Variants in DNAH6 observed in about 807,000 individuals in gnomAD.
DNAH6 encodes the protein axonemal beta dynein heavy chain 6.
In DNAH6, 340 loss-of-function variants were observed where a neutral mutation model predicts 491.4. The ratio of observed to expected loss-of-function variants is 0.69; its 90% CI spans 0.63 to 0.76. The LOEUF (loss-of-function observed/expected upper bound fraction) is 0.76, where lower values mean the gene tolerates loss of function less well. Ranked by LOEUF, DNAH6 falls within the 30% of genes least tolerant of loss-of-function variation. DNAH6 has a pLI of 0.00. For missense variants in DNAH6, 4,443 were observed against 4,972.2 expected (o/e 0.89, Z 3.20); for synonymous variants, 1,603 against 1,686.1 (o/e 0.95, Z 1.21).
At chr2:84,563,441 G>A (rs1181492368) in intron 11 of DNAH6, among the ~76,000 whole-genome samples, 2 of 152,118 alleles carry the variant, frequency 1.3e-5, no homozygotes, top group Non-Finnish European at 2.9e-5. Flanking sequence ...TCTGACTTGT[G>A]TGAGATGGCA....
intron 64 of DNAH6, among the ~76,000 whole-genome samples, chr2:84,779,054 T>C (rs1471444863): frequency 1.3e-5 from 2 of 152,172 alleles, no homozygotes; most frequent in Admixed American, 1.3e-4. Context: ...TCTATTATGG[T>C]TGAGCATGTG....
chr2:84,769,133 G>A (rs1392505954), intron 64 of DNAH6, among the ~76,000 whole-genome samples: 1 of 152,232 alleles, frequency 6.6e-6, no homozygotes, highest in East Asian at 1.9e-4. Flanking sequence ...CAGAAAGAGA[G>A]AGTGGAGCTG....
chr2:84,600,002 T>C (rs1026622962), intron 18 of DNAH6, among the ~76,000 whole-genome samples: 2 of 152,238 alleles, frequency 1.3e-5, no homozygotes, highest in Non-Finnish European at 2.9e-5. Flanking sequence ...ATTTTCCATA[T>C]GCACTTTAGA....
intron 24 of DNAH6, among the ~76,000 whole-genome samples, chr2:84,620,612 A>G (rs1687299239): frequency 6.6e-6 from 1 of 152,174 alleles, no homozygotes; most frequent in African/African-American, 2.4e-5. Context: ...CAGTAAGAAC[A>G]CAGTGGTGTA....
At chr2:84,641,858 GGAA>G in intron 32 of DNAH6, 86 bp from the exon 33 acceptor site, 2 of 1,010,556 alleles carry the variant, frequency 2.0e-6, no homozygotes, top group Non-Finnish European at 2.9e-6. Context: ...AATCCTCAGG[GGAA>G]GGGCTCTGCC....
chr2:84,606,479 A>G (rs1472494671), intron 20 of DNAH6, among the ~76,000 whole-genome samples: 2 of 152,156 alleles, frequency 1.3e-5, no homozygotes, highest in African/African-American at 4.8e-5. Flanking sequence ...GGGGAGTAGT[A>G]GGGGAGGGAG....
intron 18 of DNAH6, among the ~76,000 whole-genome samples, chr2:84,599,511 T>C (rs1330745291): frequency 6.6e-6 from 1 of 152,220 alleles, no homozygotes; most frequent in Non-Finnish European, 1.5e-5. Context: ...TTTTCATAAA[T>C]ATGAGGTATC....
intron 10 of DNAH6, among the ~76,000 whole-genome samples, chr2:84,553,610 A>C (rs1679723433): frequency 7.2e-6 from 1 of 139,688 alleles, no homozygotes; most frequent in Non-Finnish European, 1.5e-5. Flanking sequence ...CTACAGGTGT[A>C]TGCCACCAGG....
intron 64 of DNAH6, among the ~76,000 whole-genome samples, chr2:84,771,562 T>C (rs1675624668): frequency 6.6e-6 from 1 of 151,934 alleles, no homozygotes; most frequent in African/African-American, 2.4e-5. Flanking sequence ...AAAGAAATAA[T>C]CCTGAAAGCA....
intron 70 of DNAH6, among the ~76,000 whole-genome samples, chr2:84,802,569 A>G (rs1366213329): frequency 1.3e-5 from 2 of 152,144 alleles, no homozygotes; most frequent in Non-Finnish European, 1.5e-5. Flanking sequence ...ACTTCTACCT[A>G]AGAAAAGACT....
rs1237189205 is a variant in DNAH6 at position 84,816,027 on chromosome 2, T to C, written c.12317T>C (p.Leu4106Pro). ...PQQNYKPSPT[L>P]YHCPLYKTGA... The stretch of plus-strand genomic sequence containing the variant: ...CAAAACTATAAGCCAAGCCCAACAC[T>C]TTACCACTGCCCACTTTATAAAACA... The change falls in exon 76 of 77, where the codon CTT becomes CCT. Residue 4106 changes from leucine (L) to proline (P), a missense_variant. Coordinates refer to ENST00000389394, the MANE Select transcript of DNAH6 (RefSeq NM_001370.2). The C allele has an allele frequency of 3.9e-6, 6 of 1,551,696 alleles. No individual in the cohort carries two copies. The highest frequency in any genetic ancestry group is 4.4e-6 in the Non-Finnish European group (5 of 1,147,000).
intron 64 of DNAH6, among the ~76,000 whole-genome samples, chr2:84,768,391 A>G (rs1258971022): frequency 6.6e-6 from 1 of 152,028 alleles, no homozygotes; most frequent in East Asian, 1.9e-4. Flanking sequence ...GAATAAGGGA[A>G]TATCATTGCA....
intron 62 of DNAH6, among the ~76,000 whole-genome samples, chr2:84,741,594 G>A (rs780095581): frequency 1.1e-4 from 17 of 152,158 alleles, no homozygotes; most frequent in Non-Finnish European, 1.9e-4. Context: ...TGAGAAGTGT[G>A]GTCAACTCAT....
chr2:84,493,447 A>C, the DNAH6 span, among the ~76,000 whole-genome samples: 2 of 152,198 alleles, frequency 1.3e-5, no homozygotes, highest in Admixed American at 6.5e-5. Flanking sequence ...TTTTATTTAA[A>C]TGTAGCTTCC....
intron 11 of DNAH6, among the ~76,000 whole-genome samples, chr2:84,563,776 C>T (rs374035133): frequency 2.5e-4 from 38 of 152,108 alleles, no homozygotes; most frequent in African/African-American, 7.9e-4. Flanking sequence ...AAGCCTGTGT[C>T]GAAAAGGTTA....
At position 84,634,790 on chromosome 2, in the gene DNAH6, G is replaced by A; in HGVS notation, c.4653+149G>A. The stretch of plus-strand genomic sequence containing the variant: ...GGACCTTGGCTCTCCAGAGCTCACT[G>A]GACTAGAAAATCCAAGGAATATGGT... On this transcript the variant is annotated intron_variant, in intron 30 of 76. Transcript: ENST00000389394. 4 of 945,994 alleles carry A rather than the reference G, an allele frequency of 4.2e-6. 1 individual carries two copies. Among genetic ancestry groups the A allele is most frequent in the Middle Eastern group, 4.6e-4 (2 of 4,394 alleles). 58.6% of individuals were successfully genotyped at this position (945,994 alleles called of 1,614,324 possible).
At chr2:84,649,037 G>A (rs1690161551) in intron 33 of DNAH6, among the ~76,000 whole-genome samples, 1 of 152,170 alleles carries the variant, frequency 6.6e-6, no homozygotes, top group African/African-American at 2.4e-5. Flanking sequence ...TCAACATTGA[G>A]GTAAGACCCT....
intron 54 of DNAH6, among the ~76,000 whole-genome samples, chr2:84,708,847 G>A (rs1273514294): frequency 6.6e-6 from 1 of 152,086 alleles, no homozygotes; most frequent in Non-Finnish European, 1.5e-5. Flanking sequence ...AGCTCTTAGG[G>A]TGCCATGTTT....
chr2:84,600,711 A>G (rs1685126148), intron 18 of DNAH6, among the ~76,000 whole-genome samples: 1 of 152,046 alleles, frequency 6.6e-6, no homozygotes, highest in African/African-American at 2.4e-5. Flanking sequence ...AATACATGCT[A>G]TCAACATGAC....
Sources: gnomAD v4.1 joint callset for allele counts (sites outside exome capture counted in the v4.1 genomes callset) on GRCh38, gnomAD v4.1.1 for gene constraint, MANE v1.5 for transcripts, NCBI Gene and HGNC (gene_info 2026-07-23, HGNC 2026-07-21) for gene names.